The following ECHDC3 variants were observed in gnomAD, a reference collection of about 807,000 sequenced individuals.
The protein encoded by ECHDC3 is enoyl-CoA hydratase domain containing 3, also known as enoyl-CoA hydratase domain-containing protein 3, mitochondrial.
A neutral mutation model predicts 17.9 loss-of-function variants in ECHDC3; 20 were observed. The observed-to-expected ratio is 1.12, with a 90% confidence interval of 0.79 to 1.63. ECHDC3 has a LOEUF of 1.63. Among genes scored for constraint, ECHDC3 ranks in the 40% most tolerant of loss-of-function variants. ECHDC3 has a pLI of 0.00. For synonymous variants in ECHDC3, 177 were observed against 149.7 expected, an observed-to-expected ratio of 1.18 and a Z score of -1.33; for missense variants, 407 against 357.7, an observed-to-expected ratio of 1.14 and a Z score of -1.11.
chr10:11,745,031 G>T (rs935991530), intron 1 of ECHDC3, among the ~76,000 whole-genome samples: 3 of 152,230 alleles, frequency 2.0e-5, no homozygotes, highest in Non-Finnish European at 4.4e-5. Context: ...AAGAAGGACC[G>T]ACCAGAGAAG....
chr10:11,754,279 T>G (rs923726083), intron 3 of ECHDC3, among the ~76,000 whole-genome samples: 1 of 54,846 alleles, frequency 1.8e-5, no homozygotes, highest in Non-Finnish European at 4.6e-5. Flanking sequence ...GTCATTTGTC[T>G]TTGAATACCT....
intron 3 of ECHDC3, 64 bp from the exon 4 acceptor site, chr10:11,755,342 AAG>A: frequency 3.3e-6 from 4 of 1,200,228 alleles, no homozygotes; most frequent in Non-Finnish European, 4.6e-6. Flanking sequence ...AAAAAAAAAA[AAG>A]CAATAGGCGT....
chr10:11,744,871 G>C (rs1832743399), intron 1 of ECHDC3, among the ~76,000 whole-genome samples: 1 of 152,220 alleles, frequency 6.6e-6, no homozygotes, highest in African/African-American at 2.4e-5. Flanking sequence ...GTAGACATCG[G>C]GATGAACGCG....
At chr10:11,752,450 T>G (rs1170639282) in intron 3 of ECHDC3, among the ~76,000 whole-genome samples, 2 of 151,808 alleles carry the variant, frequency 1.3e-5, no homozygotes, top group African/African-American at 4.8e-5. Context: ...AAGTAATGAG[T>G]ACTTGTAAAC....
chr10:11,755,167 CA>C (rs1000626996), intron 3 of ECHDC3, among the ~76,000 whole-genome samples: 14 of 151,204 alleles, frequency 9.3e-5, no homozygotes, highest in Admixed American at 1.3e-4. Context: ...CTAAAAATAC[CA>C]AAAAAAATTT....
In ECHDC3 at chr10:11,755,599, G is replaced by T; in HGVS notation, c.582G>T (p.Val194=). The stretch of plus-strand genomic sequence containing the variant: ...CTGGGGTTGCCTTGGCAAGAGCAGT[G>T]CCTAGAAAGGTAATTTAACTCCCCC... The part of the protein sequence containing the change: ...STPGVALARA[V]PRKVALEMLF... The change falls in exon 4 of 5, where the codon GTG becomes GTT. Residue 194 remains valine, a synonymous_variant. Transcript: ENST00000379215. 1 of 1,611,982 alleles carries T rather than the reference G, an allele frequency of 6.2e-7. No individual in the cohort carries two copies. Among genetic ancestry groups the T allele is most frequent in the Admixed American group, 1.7e-5 (1 of 59,806 alleles).
intron 1 of ECHDC3, among the ~76,000 whole-genome samples, chr10:11,746,078 A>G (rs773514095): frequency 6.6e-6 from 1 of 152,216 alleles, no homozygotes; most frequent in Non-Finnish European, 1.5e-5. Flanking sequence ...CTGTAATCCC[A>G]GCACTTTGGG....
chr10:11,757,805 T>C (rs1251376270), intron 4 of ECHDC3, among the ~76,000 whole-genome samples: 1 of 152,168 alleles, frequency 6.6e-6, no homozygotes, highest in Non-Finnish European at 1.5e-5. Context: ...CTTAATGCCT[T>C]TGTTAGGTTT....
intron 4 of ECHDC3, among the ~76,000 whole-genome samples, chr10:11,760,546 C>G (rs1034790164): frequency 2.0e-5 from 3 of 152,238 alleles, no homozygotes; most frequent in African/African-American, 7.2e-5. Context: ...TTGATCATTG[C>G]AAGTGACAAA....
At chr10:11,746,075 C>T (rs1332272966) in intron 1 of ECHDC3, among the ~76,000 whole-genome samples, 2 of 152,146 alleles carry the variant, frequency 1.3e-5, no homozygotes, top group Non-Finnish European at 2.9e-5. Flanking sequence ...CGTCTGTAAT[C>T]CCAGCACTTT....
In ECHDC3 at chr10:11,742,416, G is replaced by T; in HGVS notation, c.-161G>T. 3.3e-6 allele frequency: 2 copies of T among 604,486 alleles called. No homozygotes were observed. Among genetic ancestry groups the T allele is most frequent in the Non-Finnish European group, 4.6e-6 (2 of 436,330 alleles). The allele number at this position is 604,486 out of a possible 1,614,324, so 37.4% of individuals were successfully genotyped here. A position where few individuals can be genotyped will look rare whatever the true frequency, so the allele number is the denominator to read the frequency against. ...ACTGGGCCTGGCCTGGGGCGTCCCC[G>T]CGAAGCCTGGGCCTGTCAGGCGGTT... On this transcript the variant is annotated 5_prime_UTR_variant, in exon 1 of 5. Transcript: ENST00000379215.
chr10:11,759,345 A>C, intron 4 of ECHDC3, among the ~76,000 whole-genome samples: 2 of 137,802 alleles, frequency 1.5e-5, no homozygotes, highest in South Asian at 2.5e-4. Context: ...CAACAGCAAA[A>C]CTCCATCTCT....
intron 2 of ECHDC3, 132 bp downstream of exon 2, chr10:11,747,602 G>A: frequency 2.7e-6 from 3 of 1,113,794 alleles, no homozygotes; most frequent in Non-Finnish European, 3.9e-6. Context: ...CATTAATTAT[G>A]GAAAACACCT....
intron 3 of ECHDC3, among the ~76,000 whole-genome samples, chr10:11,753,689 A>G (rs1832853273): frequency 1.3e-5 from 2 of 152,202 alleles, no homozygotes; most frequent in South Asian, 2.1e-4. Flanking sequence ...GCCCATCCCC[A>G]GTCTCGCCTT....
At chr10:11,753,275 C>T (rs909815658) in intron 3 of ECHDC3, among the ~76,000 whole-genome samples, 4 of 151,970 alleles carry the variant, frequency 2.6e-5, no homozygotes, top group Admixed American at 6.6e-5. Flanking sequence ...CCCAGGTACT[C>T]GGGAGGCTGA....
Position 11,742,713 on chromosome 10 carries a change from G to A in ECHDC3, c.137G>A (p.Arg46Gln). The change falls in exon 1 of 5, where the codon CGG becomes CAG. Residue 46 changes from arginine (R) to glutamine (Q), a missense_variant. Coordinates refer to ENST00000379215, the MANE Select transcript of ECHDC3 (RefSeq NM_024693.5). ...GCGGGGCGGCGGGAGTCGGAGCCGCGGCCCACCAGCGCGCGGCAGCTGGAC... is the reference window on the plus strand; with the variant it reads ...GCGGGGCGGCGGGAGTCGGAGCCGCAGCCCACCAGCGCGCGGCAGCTGGAC... ...AGAGRRESEP[R>Q]PTSARQLDGI... 8.1e-7 allele frequency: 1 copy of A among 1,236,726 alleles called. No homozygotes were observed. The highest frequency in any genetic ancestry group is 1.0e-6 in the Non-Finnish European group (1 of 990,812). The allele number at this position is 1,236,726 out of a possible 1,614,324, so 76.6% of individuals were successfully genotyped here.
chr10:11,746,462 C>T (rs1832761668), intron 1 of ECHDC3, among the ~76,000 whole-genome samples: 1 of 151,676 alleles, frequency 6.6e-6, no homozygotes, highest in Non-Finnish European at 1.5e-5. Context: ...TTGAAACTAA[C>T]TAAAAGAGTA....
At chr10:11,759,769 T>C (rs943677046) in intron 4 of ECHDC3, among the ~76,000 whole-genome samples, 4 of 152,182 alleles carry the variant, frequency 2.6e-5, no homozygotes, top group Admixed American at 1.3e-4. Context: ...GCATTAGAGA[T>C]CATGGACCAT....
intron 2 of ECHDC3, 27 bp from the exon 3 acceptor site, chr10:11,749,468 T>C (rs1832799420): frequency 6.2e-7 from 1 of 1,612,888 alleles, no homozygotes; most frequent in South Asian, 1.1e-5. Flanking sequence ...CTTTTTGTTT[T>C]CTTTTCTCAA....
Sources: allele counts gnomAD v4.1 joint callset (sites outside exome capture counted in the v4.1 genomes callset), GRCh38; gene constraint gnomAD v4.1.1; transcripts MANE v1.5; gene names NCBI Gene and HGNC (gene_info 2026-07-23, HGNC 2026-07-21).